RYR3: variants seen among roughly 807,000 people sequenced by gnomAD.
RYR3 encodes brain ryanodine receptor-calcium release channel.
In RYR3, 207 loss-of-function variants were observed where a neutral mutation model predicts 584.3. The observed-to-expected ratio is 0.35, with a 90% CI of 0.32 to 0.40. RYR3 has a LOEUF of 0.40. Ranked by LOEUF, RYR3 falls within the 10% of genes least tolerant of loss-of-function variation. The pLI is 1.00. For missense variants in RYR3, 5,616 were observed against 6,089.2 expected, an observed-to-expected ratio of 0.92 and a Z score of 2.59; for synonymous variants, 2,416 against 2,248.5, an observed-to-expected ratio of 1.07 and a Z score of -2.11.
intron 1 of RYR3, among the ~76,000 whole-genome samples, chr15:33,351,644 A>G (rs1215210320): frequency 6.6e-6 from 1 of 150,878 alleles, no homozygotes; most frequent in African/African-American, 2.4e-5. Context: ...TATAAACAGA[A>G]CCAAAGACAA....
rs141931752 is a variant in RYR3, at chr15:33,672,227, A to C, written c.5860+1671A>C. On this transcript the variant is annotated intron_variant, in intron 38 of 103. Coordinates refer to ENST00000634891, the MANE Select transcript of RYR3 (RefSeq NM_001036.6). ...AGTCAGTCAGATGAAGTCACTTGTC[A>C]CCTGCCTCTGTGAAGCCTCCCCCTA... Among the ~76,000 whole-genome samples, 1,273 of 152,202 alleles carry C rather than the reference A, an allele frequency of 8.4e-3. 14 individuals carry two copies. The highest frequency in any genetic ancestry group is 0.028 in the African/African-American group (1,160 of 41,524).
intron 20 of RYR3, among the ~76,000 whole-genome samples, chr15:33,626,991 T>A (rs2061023864): frequency 6.6e-6 from 1 of 152,156 alleles, no homozygotes. Context: ...CACAGAGTCC[T>A]CACTGGGACA....
At chr15:33,419,041 A>G (rs1427568704) in intron 1 of RYR3, among the ~76,000 whole-genome samples, 1 of 152,112 alleles carries the variant, frequency 6.6e-6, no homozygotes, top group Non-Finnish European at 1.5e-5. Context: ...CATCCTGCTT[A>G]TGTGTTTTAT....
rs948574042 is a variant in RYR3, at chr15:33,829,678, G to A, written c.11335-1285G>A. 5.3e-5 allele frequency among the ~76,000 whole-genome samples: 8 copies of A among 151,854 alleles called. 1 individual carries two copies. The highest frequency in any genetic ancestry group is 4.2e-4 in the South Asian group (2 of 4,812). ...TGAGGCAGGAGAATGGCGTGAACCC[G>A]GGAGGCGGAGCTTGCAGTGAGCCAG... On this transcript the variant is annotated intron_variant, in intron 85 of 103. Coordinates refer to ENST00000634891, the MANE Select transcript of RYR3 (RefSeq NM_001036.6).
intron 24 of RYR3, 96 bp from the exon 25 acceptor site, chr15:33,634,490 A>G: frequency 7.6e-7 from 1 of 1,312,582 alleles, no homozygotes; most frequent in South Asian, 1.3e-5. Context: ...TAGAGCGACC[A>G]GAAAGCCAGG....
At chr15:33,543,814 A>G (rs893609990) in intron 8 of RYR3, 99 bp downstream of exon 8, 6 of 824,886 alleles carry the variant, frequency 7.3e-6, no homozygotes, top group African/African-American at 1.7e-5. Context: ...AACTCTGTAC[A>G]TGTCAGTCCA....
chr15:33,725,989 A>AC (rs1596324961), intron 45 of RYR3, among the ~76,000 whole-genome samples: 1 of 139,204 alleles, frequency 7.2e-6, no homozygotes, highest in Non-Finnish European at 1.6e-5. Flanking sequence ...AAAAAAAAAA[A>AC]AAAAAAAACA....
At chr15:33,503,806 T>G in intron 3 of RYR3, 68 bp downstream of exon 3, 1 of 899,706 alleles carries the variant, frequency 1.1e-6, no homozygotes, top group Non-Finnish European at 1.8e-6. Flanking sequence ...CGTTCTACAT[T>G]TCATCCAACT....
chr15:33,835,153 G>A (rs1333960556), intron 87 of RYR3, 81 bp downstream of exon 87: 1 of 1,084,732 alleles, frequency 9.2e-7, no homozygotes, highest in Non-Finnish European at 1.4e-6. Flanking sequence ...CCATTGTGAT[G>A]TGGCTGCTTG....
rs757937663 is a variant in RYR3 at position 33,623,954 on chromosome 15, A to T, written c.2505A>T (p.Arg835Ser). ...ATAAACGTGATGCTGATGGCATTAG[A>T]GATCTCTTGGGTACCACCCAGTTCC... ...KEYKRDADGIRDLLGTTQFLS... is the reference protein window; with the variant it reads ...KEYKRDADGISDLLGTTQFLS... Residue 835 changes from arginine to serine, a missense_variant, in exon 20 of 104, where the codon AGA becomes AGT. By Grantham distance (110) the Arg-to-Ser change is moderately radical. Around this residue, in one of 9 missense-constraint regions of RYR3, gnomAD observed 1,284 missense variants for 1,344.6 expected, o/e 0.95. Transcript: ENST00000634891. The T allele has an allele frequency of 6.2e-7, 1 of 1,614,006 alleles. No individual in the cohort carries two copies. Among genetic ancestry groups the T allele is most frequent in the East Asian group, 2.2e-5 (1 of 44,884 alleles).
intron 94 of RYR3, 158 bp from the exon 95 acceptor site, chr15:33,852,887 G>GT: frequency 1.5e-6 from 1 of 652,226 alleles, no homozygotes; most frequent in Non-Finnish European, 2.7e-6. Flanking sequence ...AGTAGAGCCT[G>GT]TGATGACTCT....
intron 3 of RYR3, among the ~76,000 whole-genome samples, chr15:33,529,358 T>C (rs1051039455): frequency 1.3e-5 from 2 of 152,218 alleles, no homozygotes; most frequent in Non-Finnish European, 2.9e-5. Context: ...GACAGAGTGA[T>C]GCTATTAATC....
chr15:33,824,098 A>G (rs919472), intron 81 of RYR3, among the ~76,000 whole-genome samples: 141,099 of 152,218 alleles, frequency 0.93, 65,448 homozygotes, highest in East Asian at 1. Flanking sequence ...GCCTCTCTGA[A>G]GCTAAAATAG....
intron 1 of RYR3, among the ~76,000 whole-genome samples, chr15:33,315,351 G>C (rs1968013653): frequency 6.6e-6 from 1 of 152,168 alleles, no homozygotes; most frequent in Admixed American, 6.5e-5. Context: ...TGTTTTGGTA[G>C]ATTTTCTTTA....
In RYR3 at chr15:33,864,181, AC is replaced by A. The variant is rs1291709244; in HGVS notation, c.14510del (p.Thr4837ArgfsTer69). On this transcript the variant is annotated frameshift_variant, in exon 103 of 104. Transcript: ENST00000634891. LOFTEE classifies it high-confidence loss of function. Reference protein sequence around the residue: ...YLINKDETEHTGQESYVWKMY... With the variant: ...YLINKDETEHXGQESYVWKMY... ...GATTAATAAAGATGAAACAGAGCAC[AC>A]GGGTCAGGTGAGAAATTAAGAATCA... 1 of 1,611,442 alleles carries A rather than the reference AC, an allele frequency of 6.2e-7. No individual in the cohort carries two copies.
chr15:33,735,121 C>T (rs533897724), intron 48 of RYR3, among the ~76,000 whole-genome samples: 1 of 152,110 alleles, frequency 6.6e-6, no homozygotes, highest in South Asian at 2.1e-4. Flanking sequence ...TAGGTTTTTT[C>T]ATTGTTTATT....
At chr15:33,864,035 G>C in intron 102 of RYR3, 103 bp from the exon 103 acceptor site, 2 of 757,914 alleles carry the variant, frequency 2.6e-6, no homozygotes, top group Non-Finnish European at 4.6e-6. Context: ...ACTGTAGATA[G>C]CGTGGGACCA....
intron 94 of RYR3, chr15:33,852,779 A>G (rs2079237568): frequency 2.6e-5 from 10 of 379,216 alleles, no homozygotes; most frequent in South Asian, 2.6e-4. Context: ...TGTCATCACA[A>G]TTCTTGGCTC....
At chr15:33,719,614 A>G (rs1343915184) in intron 43 of RYR3, among the ~76,000 whole-genome samples, 2 of 152,234 alleles carry the variant, frequency 1.3e-5, no homozygotes. Flanking sequence ...GGGCTGATGT[A>G]TGTGCTACCT....
Sources: allele counts gnomAD v4.1 joint callset (sites outside exome capture counted in the v4.1 genomes callset), GRCh38; gene constraint gnomAD v4.1.1; regional missense constraint gnomAD v4.1.1; transcripts MANE v1.5; gene names NCBI Gene and HGNC (gene_info 2026-07-23, HGNC 2026-07-21).